HPSE2: variants seen among roughly 807,000 people sequenced by gnomAD.
HPSE2 encodes the protein inactive heparanase-2.
A neutral mutation model predicts 60.5 loss-of-function variants in HPSE2; 38 were observed. The ratio of observed to expected loss-of-function variants is 0.63; its 90% CI spans 0.48 to 0.82. The LOEUF is 0.82. Among genes scored for constraint, HPSE2 ranks in the 40% least tolerant of loss-of-function variants. The pLI is 0.00. For missense variants in HPSE2, 713 were observed against 740.4 expected, an observed-to-expected ratio of 0.96 and a Z score of 0.43; for synonymous variants, 295 against 293.2, an observed-to-expected ratio of 1.01 and a Z score of -0.06.
chr10:99,096,862 A>G (rs936803066), intron 3 of HPSE2, among the ~76,000 whole-genome samples: 1 of 152,322 alleles, frequency 6.6e-6, no homozygotes. Flanking sequence ...AGAAAAGGGC[A>G]CAAGAGGCAG....
At chr10:99,069,443 G>C (rs1206290725) in intron 3 of HPSE2, among the ~76,000 whole-genome samples, 1 of 151,764 alleles carries the variant, frequency 6.6e-6, no homozygotes, top group Non-Finnish European at 1.5e-5. Flanking sequence ...ATAGATTTTG[G>C]ATGTGCTTAT....
chr10:99,114,425 A>C (rs574343513), intron 3 of HPSE2, among the ~76,000 whole-genome samples: 1 of 152,354 alleles, frequency 6.6e-6, no homozygotes, highest in South Asian at 2.1e-4. Context: ...GCTAAAGTTA[A>C]AATGAATTCA....
intron 2 of HPSE2, among the ~76,000 whole-genome samples, chr10:99,221,075 C>A (rs1849297434): frequency 6.6e-6 from 1 of 151,802 alleles, no homozygotes; most frequent in Non-Finnish European, 1.5e-5. Flanking sequence ...AAACTCCTGA[C>A]CTCAGGTGAT....
At chr10:99,189,783 C>T (rs1848155518) in intron 2 of HPSE2, among the ~76,000 whole-genome samples, 1 of 152,188 alleles carries the variant, frequency 6.6e-6, no homozygotes, top group Admixed American at 6.5e-5. Flanking sequence ...CTAAAGGGAA[C>T]AGTGCATCTC....
intron 3 of HPSE2, among the ~76,000 whole-genome samples, chr10:99,009,378 C>T (rs961602181): frequency 6.6e-6 from 1 of 151,956 alleles, no homozygotes; most frequent in Non-Finnish European, 1.5e-5. Flanking sequence ...TATTACTGCA[C>T]CACTGCACTC....
chr10:99,143,744 T>A (rs1301711062), intron 3 of HPSE2, among the ~76,000 whole-genome samples: 1 of 152,168 alleles, frequency 6.6e-6, no homozygotes, highest in Non-Finnish European at 1.5e-5. Context: ...ATCAAGGATA[T>A]AAGGGAGCAC....
At chr10:98,644,500 T>C (rs1489880176) in intron 6 of HPSE2, among the ~76,000 whole-genome samples, 1 of 152,158 alleles carries the variant, frequency 6.6e-6, no homozygotes, top group Non-Finnish European at 1.5e-5. Context: ...TGGCTGTGAT[T>C]ATGTTGTAAA....
At chr10:99,306,468 G>A in the HPSE2 span, among the ~76,000 whole-genome samples, 1 of 143,788 alleles carries the variant, frequency 7.0e-6, no homozygotes, top group African/African-American at 2.6e-5. Context: ...GCCATTTTGG[G>A]GGTCTGCTTT....
intron 3 of HPSE2, among the ~76,000 whole-genome samples, chr10:99,096,712 T>A (rs1429780371): frequency 6.6e-6 from 1 of 152,056 alleles, no homozygotes; most frequent in Non-Finnish European, 1.5e-5. Flanking sequence ...TTTTTTCCTA[T>A]TTTCCCACAG....
At chr10:99,312,030 T>C in the HPSE2 span, among the ~76,000 whole-genome samples, 3 of 152,160 alleles carry the variant, frequency 2.0e-5, no homozygotes, top group African/African-American at 7.2e-5. Flanking sequence ...CTAGCTCCCC[T>C]CAATTCTATG....
intron 3 of HPSE2, among the ~76,000 whole-genome samples, chr10:98,964,683 T>G (rs1955769736): frequency 6.6e-6 from 1 of 152,160 alleles, no homozygotes; most frequent in Non-Finnish European, 1.5e-5. Context: ...TCATATGCAT[T>G]CAAGATATTT....
chr10:98,761,003 C>T (rs1418257553), intron 3 of HPSE2, among the ~76,000 whole-genome samples: 1 of 152,004 alleles, frequency 6.6e-6, no homozygotes, highest in Non-Finnish European at 1.5e-5. Context: ...TATTTTTGGT[C>T]TGTTCAGGTT....
At chr10:98,573,876 T>C (rs573186059) in intron 9 of HPSE2, among the ~76,000 whole-genome samples, 3 of 152,136 alleles carry the variant, frequency 2.0e-5, no homozygotes, top group Non-Finnish European at 4.4e-5. Flanking sequence ...CTTTTTCTTA[T>C]ACAGCTGTAT....
chr10:99,000,688 G>A (rs1956757924), intron 3 of HPSE2, among the ~76,000 whole-genome samples: 1 of 152,090 alleles, frequency 6.6e-6, no homozygotes, highest in African/African-American at 2.4e-5. Context: ...TAAGGAGAAT[G>A]TGAATTGAAA....
intron 11 of HPSE2, among the ~76,000 whole-genome samples, chr10:98,460,968 G>A (rs964456376): frequency 2.0e-5 from 3 of 152,244 alleles, no homozygotes; most frequent in Non-Finnish European, 4.4e-5. Flanking sequence ...TGGAAATAAG[G>A]TTGTGAGTCA....
intron 3 of HPSE2, among the ~76,000 whole-genome samples, chr10:98,862,062 C>A (rs1473071267): frequency 6.6e-6 from 1 of 152,140 alleles, no homozygotes; most frequent in African/African-American, 2.4e-5. Flanking sequence ...ACAGACACAA[C>A]AAGAAATCAT....
At chr10:98,630,085 C>A (rs1946319861) in intron 7 of HPSE2, among the ~76,000 whole-genome samples, 1 of 152,126 alleles carries the variant, frequency 6.6e-6, no homozygotes, top group African/African-American at 2.4e-5. Context: ...TCACAACCAT[C>A]CCTTAGCTAC....
At chr10:98,755,127 A>G (rs894620146) in intron 3 of HPSE2, among the ~76,000 whole-genome samples, 1 of 152,096 alleles carries the variant, frequency 6.6e-6, no homozygotes, top group Admixed American at 6.6e-5. Flanking sequence ...TATTCAGGAG[A>G]CCCATCTCAC....
intron 3 of HPSE2, among the ~76,000 whole-genome samples, chr10:98,791,071 A>G (rs559393008): frequency 2.6e-5 from 4 of 152,294 alleles, no homozygotes; most frequent in African/African-American, 9.6e-5. Flanking sequence ...CTATCAATAA[A>G]TATTCTGCAA....
Sources: allele counts gnomAD v4.1 joint callset (sites outside exome capture counted in the v4.1 genomes callset), GRCh38; gene constraint gnomAD v4.1.1; transcripts MANE v1.5; gene names NCBI Gene and HGNC (gene_info 2026-07-23, HGNC 2026-07-21).